The following FBXL17 variants were observed in gnomAD, a reference collection of about 807,000 sequenced individuals.
FBXL17 encodes the protein F-box/LRR-repeat protein 17.
Under a neutral mutation model 66.2 loss-of-function variants are expected in FBXL17, and 22 were observed. The observed-to-expected ratio is 0.33, with a 90% confidence interval of 0.24 to 0.47. FBXL17 has a LOEUF of 0.47. FBXL17 is among the 20% of genes least tolerant of loss of function. The pLI is 1.00. For synonymous variants in FBXL17, 474 were observed against 400.5 expected, an observed-to-expected ratio of 1.18 and a Z score of -2.19; for missense variants, 878 against 948.2, an observed-to-expected ratio of 0.93 and a Z score of 0.97.
At chr5:108,058,610 G>C (rs927351896) in intron 6 of FBXL17, among the ~76,000 whole-genome samples, 1 of 151,840 alleles carries the variant, frequency 6.6e-6, no homozygotes, top group East Asian at 1.9e-4. Flanking sequence ...TCAGCCTCCC[G>C]AGTAGTTGGG....
chr5:108,373,833 G>C lies in FBXL17; in HGVS notation c.994-5880C>G, dbSNP rs187891445. Among the ~76,000 whole-genome samples the C allele has an allele frequency of 2.6e-3, 396 of 152,216 alleles. 1 individual carries two copies. The highest frequency in any genetic ancestry group is 4.0e-3 in the Non-Finnish European group (271 of 68,000). ...CATGGGAGGCTGAGGTTGGAGAATA[G>C]CTTGAGCCCAGGAGGTCGAGGCTGC... On this transcript the variant is annotated intron_variant, in intron 1 of 8. Transcript: ENST00000542267.
At chr5:108,009,876 T>C (rs1200807977) in intron 7 of FBXL17, among the ~76,000 whole-genome samples, 3 of 152,190 alleles carry the variant, frequency 2.0e-5, no homozygotes, top group Non-Finnish European at 4.4e-5. Flanking sequence ...CCTGATTTTA[T>C]AGCTAATAAG....
At chr5:107,865,492 A>G (rs921891518) in intron 8 of FBXL17, among the ~76,000 whole-genome samples, 1 of 152,182 alleles carries the variant, frequency 6.6e-6, no homozygotes. Flanking sequence ...TGGCGGCACA[A>G]AGTAAAATAC....
intron 8 of FBXL17, among the ~76,000 whole-genome samples, chr5:107,863,599 G>A (rs766328142): frequency 3.5e-5 from 5 of 141,734 alleles, no homozygotes; most frequent in Non-Finnish European, 8.1e-5. Context: ...ATTGTACTAA[G>A]TTTATGATTG....
chr5:108,279,519 C>A lies in FBXL17; in HGVS notation c.1507-55291G>T, dbSNP rs1435259287. Among the ~76,000 whole-genome samples the A allele has an allele frequency of 1.2e-4, 18 of 151,642 alleles. No individual in the cohort carries two copies. The South Asian group carries it at 3.8e-3, about 32-fold the overall frequency. ...TGCACCCAGAAACAAAACCAAAGGGCCCTACTCAACCAACATCATAGTCAC... is the reference window on the plus strand; with the variant it reads ...TGCACCCAGAAACAAAACCAAAGGGACCTACTCAACCAACATCATAGTCAC... On this transcript the variant is annotated intron_variant, in intron 4 of 8. Transcript: ENST00000542267.
chr5:108,381,478 C>A lies in FBXL17; in HGVS notation c.214G>T (p.Ala72Ser). ...CFIVHSPGAP[A>S]PAGPEEEPPL... ...GGCTCCTCCTCTGGGCCGGCGGGGG[C>A]GGGCGCGCCGGGACTGTGCACGATG... The change falls in exon 1 of 9, where the codon GCC becomes TCC. Residue 72 changes from alanine (A) to serine (S), a missense_variant. This residue lies in a region of FBXL17 where 605 missense variants were observed against 509.5 expected (regional missense o/e 1.19). Transcript: ENST00000542267. 7.6e-7 allele frequency: 1 copy of A among 1,320,990 alleles called. No individual in the cohort carries two copies. Among genetic ancestry groups the A allele is most frequent in the South Asian group, 2.1e-5 (1 of 46,774 alleles). The allele number at this position is 1,320,990 out of a possible 1,614,324, so 81.8% of individuals were successfully genotyped here. A position where few individuals can be genotyped will look rare whatever the true frequency, so the allele number is the denominator to read the frequency against.
intron 1 of FBXL17, among the ~76,000 whole-genome samples, chr5:108,377,747 C>T (rs908982759): frequency 1.3e-5 from 2 of 152,148 alleles, no homozygotes; most frequent in African/African-American, 2.4e-5. Context: ...ACATTTCTTG[C>T]GGATATTTTT....
At chr5:108,260,144 GT>G (rs1355042305) in intron 4 of FBXL17, among the ~76,000 whole-genome samples, 1 of 152,118 alleles carries the variant, frequency 6.6e-6, no homozygotes. Flanking sequence ...ATAAAGATAG[GT>G]AAAGCATACA....
At chr5:108,072,773 T>C (rs536888536) in intron 6 of FBXL17, among the ~76,000 whole-genome samples, 511 of 152,294 alleles carry the variant, frequency 3.4e-3, no homozygotes, top group Non-Finnish European at 6.1e-3. Context: ...ACAACATTTA[T>C]TATCTCATTC....
intron 4 of FBXL17, among the ~76,000 whole-genome samples, chr5:108,340,460 C>T (rs939489524): frequency 2.7e-5 from 4 of 149,634 alleles, no homozygotes; most frequent in Admixed American, 1.3e-4. Flanking sequence ...CAAAATAAAA[C>T]CGATTTTATT....
chr5:107,878,967 G>C, intron 8 of FBXL17: 18 of 985,468 alleles, frequency 1.8e-5, no homozygotes, highest in Non-Finnish European at 2.2e-5. Flanking sequence ...GGCAGCCCAG[G>C]AAAAGGGCTA....
At chr5:108,060,719 C>A (rs909928209) in intron 6 of FBXL17, among the ~76,000 whole-genome samples, 6 of 152,012 alleles carry the variant, frequency 3.9e-5, no homozygotes, top group African/African-American at 1.5e-4. Flanking sequence ...CTCATTCCAT[C>A]CCCCCCTCCC....
intron 4 of FBXL17, among the ~76,000 whole-genome samples, chr5:108,233,625 C>T (rs752163824): frequency 5.9e-5 from 9 of 152,110 alleles, no homozygotes; most frequent in Non-Finnish European, 1.0e-4. Context: ...AGGTAAAGAA[C>T]GATCTTCTCC....
At chr5:107,929,241 G>A (rs1490744526) in intron 7 of FBXL17, among the ~76,000 whole-genome samples, 1 of 152,114 alleles carries the variant, frequency 6.6e-6, no homozygotes, top group Non-Finnish European at 1.5e-5. Context: ...TGGGTGGGAT[G>A]GAGGATATGG....
At chr5:108,275,533 A>G (rs906628754) in intron 4 of FBXL17, among the ~76,000 whole-genome samples, 3 of 152,154 alleles carry the variant, frequency 2.0e-5, no homozygotes, top group Non-Finnish European at 2.9e-5. Flanking sequence ...ATGTTTTACT[A>G]TCTTTGCTAT....
intron 6 of FBXL17, among the ~76,000 whole-genome samples, chr5:108,128,224 C>T (rs891032864): frequency 6.8e-6 from 1 of 147,174 alleles, no homozygotes; most frequent in African/African-American, 2.5e-5. Flanking sequence ...CCAGCCTGGG[C>T]AACAGAGCAA....
chr5:108,263,857 A>G (rs951189134), intron 4 of FBXL17, among the ~76,000 whole-genome samples: 1 of 152,220 alleles, frequency 6.6e-6, no homozygotes, highest in Admixed American at 6.5e-5. Flanking sequence ...TCCTTATTAG[A>G]ACAAACTACC....
chr5:108,083,250 C>CACACACACACACAGAG (rs369652150), intron 6 of FBXL17, among the ~76,000 whole-genome samples: 1 of 145,582 alleles, frequency 6.9e-6, no homozygotes, highest in African/African-American at 2.6e-5. Context: ...CACACACACA[C>CACACACACACACAGAG]AGAGAGAGAG....
At position 108,260,946 on chromosome 5, in the gene FBXL17, T is replaced by C. The variant is rs770542414; in HGVS notation, c.1507-36718A>G. On this transcript the variant is annotated intron_variant, in intron 4 of 8. Transcript: ENST00000542267. ...GGTTGTATGTGCTGAAGCAGAATTA[T>C]TGAAATACATGCCAATAATTCAAAA... 5.3e-5 allele frequency among the ~76,000 whole-genome samples: 8 copies of C among 152,208 alleles called. No individual in the cohort carries two copies. In the South Asian group the frequency reaches 8.3e-4, roughly 16 times the overall value.
Sources: gnomAD v4.1 joint callset for allele counts (sites outside exome capture counted in the v4.1 genomes callset) on GRCh38, gnomAD v4.1.1 for gene constraint, gnomAD v4.1.1 regional missense constraint, MANE v1.5 for transcripts, NCBI Gene and HGNC (gene_info 2026-07-23, HGNC 2026-07-21) for gene names.